Variants in LIMCH1 observed in about 807,000 individuals in gnomAD.
LIMCH1 encodes LIM and calponin homology domains-containing protein 1.
A neutral mutation model predicts 176.5 loss-of-function variants in LIMCH1; 113 were observed. The observed-to-expected ratio is 0.64, with a 90% CI of 0.55 to 0.75. The LOEUF is 0.75. Among genes scored for constraint, LIMCH1 ranks in the 30% least tolerant of loss-of-function variants. The pLI is 0.00. For missense variants in LIMCH1, 1,674 were observed against 1,814.9 expected (o/e 0.92, Z 1.41); for synonymous variants, 619 against 645.9 (o/e 0.96, Z 0.63).
chr4:41,621,739 C>G (rs1009143622), intron 7 of LIMCH1, among the ~76,000 whole-genome samples: 3 of 150,748 alleles, frequency 2.0e-5, no homozygotes, highest in Non-Finnish European at 4.4e-5. Context: ...GCTGATATAC[C>G]CATCTTCCAG....
rs555484140 is a variant in LIMCH1 at position 41,617,364 on chromosome 4, G to A, written c.206-1824G>A. ...TTCAGAACTGTCACTAACCAGCCCT[G>A]CAGCAGGGGTTCCTACAGTGTCTCT... On this transcript the variant is annotated intron_variant, in intron 5 of 31. Coordinates refer to ENST00000503057, the MANE Select transcript of LIMCH1 (RefSeq NM_001330672.2). 5.9e-5 allele frequency among the ~76,000 whole-genome samples: 9 copies of A among 152,278 alleles called. No individual in the cohort carries two copies. In the South Asian group the frequency reaches 1.7e-3, roughly 28 times the overall value.
intron 1 of LIMCH1, among the ~76,000 whole-genome samples, chr4:41,372,312 A>C (rs1303785773): frequency 6.6e-6 from 1 of 152,198 alleles, no homozygotes; most frequent in African/African-American, 2.4e-5. Context: ...CTCTGGTTAC[A>C]AAGTTGAGTA....
chr4:41,511,469 A>G (rs1424541324), intron 2 of LIMCH1, among the ~76,000 whole-genome samples: 1 of 152,168 alleles, frequency 6.6e-6, no homozygotes, highest in East Asian at 1.9e-4. Flanking sequence ...TGTCTCCCTC[A>G]TTTCTTGTTT....
rs113628907 is a variant in LIMCH1 at position 41,630,187 on chromosome 4, G to A, written c.1271+453G>A. On this transcript the variant is annotated intron_variant, in intron 9 of 31. Coordinates refer to ENST00000503057, the MANE Select transcript of LIMCH1 (RefSeq NM_001330672.2). ...CTCAGGCTGATCTCGAACACCTAGG[G>A]CTCCTGGGGCTCAAGTGATCCTTCC... Among the ~76,000 whole-genome samples the A allele has an allele frequency of 8.6e-4, 131 of 151,976 alleles. 2 individuals are homozygous for A. Among genetic ancestry groups the A allele is most frequent in the African/African-American group, 2.8e-3 (114 of 41,444 alleles).
chr4:41,638,415 G>A (rs912187140), intron 13 of LIMCH1, among the ~76,000 whole-genome samples: 2 of 152,116 alleles, frequency 1.3e-5, no homozygotes, highest in African/African-American at 4.8e-5. Context: ...TTGGAGTTCT[G>A]GTTTCCCTTC....
intron 1 of LIMCH1, among the ~76,000 whole-genome samples, chr4:41,597,594 G>A (rs7686676): frequency 0.08 from 12,164 of 152,184 alleles, 1,605 homozygotes; most frequent in African/African-American, 0.27. Flanking sequence ...GTGGGCTGAG[G>A]TCCTATCTGA....
intron 2 of LIMCH1, among the ~76,000 whole-genome samples, chr4:41,522,363 A>AT (rs1031358677): frequency 5.3e-5 from 8 of 152,126 alleles, no homozygotes; most frequent in South Asian, 2.1e-4. Flanking sequence ...AATTCTATAT[A>AT]TTTTTTATAA....
chr4:41,642,068 G>A (rs2093844802), intron 14 of LIMCH1, among the ~76,000 whole-genome samples: 1 of 152,072 alleles, frequency 6.6e-6, no homozygotes, highest in Admixed American at 6.6e-5. Flanking sequence ...TTCTTCTTGG[G>A]GTCCCAGAAG....
chr4:41,559,379 C>T (rs2081753621), intron 1 of LIMCH1, among the ~76,000 whole-genome samples: 1 of 152,106 alleles, frequency 6.6e-6, no homozygotes, highest in Non-Finnish European at 1.5e-5. Flanking sequence ...CAAGAATCTT[C>T]TGAACCAAGC....
At position 41,697,232 on chromosome 4, in the gene LIMCH1, T is replaced by C. The variant is rs1211218290; in HGVS notation, c.*47T>C. The C allele has an allele frequency of 3.8e-6, 6 of 1,589,846 alleles. No homozygotes were observed. The highest frequency in any genetic ancestry group is 5.2e-6 in the Non-Finnish European group (6 of 1,158,746). ...TCACTCACCATTTCTTTACTGAGAG[T>C]GTCCCCTGGCAACTGCTTAACAAAA... On this transcript the variant is annotated 3_prime_UTR_variant, in exon 32 of 32. Transcript: ENST00000503057.
chr4:41,447,567 C>T (rs988904260), intron 1 of LIMCH1, among the ~76,000 whole-genome samples: 4 of 152,114 alleles, frequency 2.6e-5, no homozygotes, highest in Admixed American at 6.5e-5. Context: ...ATCTGTTTTT[C>T]GTAATACAGA....
Position 41,669,445 on chromosome 4 carries a change from G to A in LIMCH1, c.3398-2109G>A, listed in dbSNP as rs980459139. Among the ~76,000 whole-genome samples, 7 of 151,642 alleles carry A rather than the reference G, an allele frequency of 4.6e-5. No individual in the cohort carries two copies. In the South Asian group the frequency reaches 6.2e-4, roughly 14 times the overall value. On this transcript the variant is annotated intron_variant, in intron 21 of 31. Transcript: ENST00000503057. ...TGTGGAGATCGGGTTTTTCACTGTG[G>A]TTCTCAAACCCTGTGTGCCAGGGTC... is the stretch of plus-strand genomic sequence containing the variant.
chr4:41,655,570 CTTG>C (rs1486750199), intron 18 of LIMCH1, among the ~76,000 whole-genome samples: 2 of 152,202 alleles, frequency 1.3e-5, no homozygotes, highest in African/African-American at 4.8e-5. Flanking sequence ...TCTAACTCAA[CTTG>C]TTGTTCCAAT....
intron 1 of LIMCH1, among the ~76,000 whole-genome samples, chr4:41,432,028 G>A (rs903020687): frequency 2.0e-5 from 3 of 152,178 alleles, no homozygotes; most frequent in African/African-American, 7.2e-5. Flanking sequence ...GCACATTGCA[G>A]GTGAAGAAAT....
intron 1 of LIMCH1, chr4:41,385,873 A>G (rs1445886640): frequency 6.6e-6 from 1 of 152,170 alleles, no homozygotes; most frequent in African/African-American, 2.4e-5. Context: ...TTTCTTTGTA[A>G]TGCAACTTTT....
rs61744806 is a variant in LIMCH1 at position 41,681,030 on chromosome 4, T to C, written c.3688T>C (p.Ser1230Pro). Reference sequence around the variant, plus strand: ...TTCCGCTGACCAGCTGTCTACCTCTTCCTCCATGACTGAAGGCAGTGGGAC... The same window carrying C: ...TTCCGCTGACCAGCTGTCTACCTCTCCCTCCATGACTGAAGGCAGTGGGAC... ...SSSADQLSTS[S>P]SMTEGSGTMN... Residue 1230 changes from serine to proline, a missense_variant, in exon 25 of 32, where the codon TCC (serine) becomes CCC (proline). Physicochemically the swap from Ser to Pro is moderately conservative, Grantham distance 74 (BLOSUM62 -1). This residue lies in a region of LIMCH1 where 1,015 missense variants were observed against 1,102.5 expected (regional missense o/e 0.92). Transcript: ENST00000503057. 2,036 of 1,611,720 alleles carry C rather than the reference T, an allele frequency of 1.3e-3. 27 individuals are homozygous for C. The African/African-American group carries it at 0.025, about 20-fold the overall frequency.
intron 2 of LIMCH1, among the ~76,000 whole-genome samples, chr4:41,516,575 C>T (rs1333296742): frequency 2.0e-5 from 3 of 152,040 alleles, no homozygotes; most frequent in East Asian, 1.9e-4. Flanking sequence ...CCATAATTTC[C>T]AGACAGCAGG....
upstream of LIMCH1, among the ~76,000 whole-genome samples, chr4:41,534,280 A>G (rs1274142152): frequency 6.6e-6 from 1 of 152,212 alleles, no homozygotes; most frequent in African/African-American, 2.4e-5. Flanking sequence ...TAAAAATTAT[A>G]GCTCATTTAA....
In LIMCH1 at chr4:41,680,036, AAAG is replaced by A. The variant is rs770152074; in HGVS notation, c.3555_3557del (p.Glu1186del). 4.2e-5 allele frequency: 67 copies of A among 1,610,658 alleles called. No individual in the cohort carries two copies. The highest frequency in any genetic ancestry group is 5.0e-5 in the Non-Finnish European group (59 of 1,178,596). ...ATACCAGAAGGAGCAGGACAAGCTGAAAGAAGAGTGGGAAAAGGCCCAAAAGGA... is the reference window on the plus strand; with the variant it reads ...ATACCAGAAGGAGCAGGACAAGCTGAAAGAGTGGGAAAAGGCCCAAAAGGA... On this transcript the variant is annotated inframe_deletion, in exon 24 of 32. Transcript: ENST00000503057.
Sources: allele counts gnomAD v4.1 joint callset (sites outside exome capture counted in the v4.1 genomes callset), GRCh38; gene constraint gnomAD v4.1.1; regional missense constraint gnomAD v4.1.1; transcripts MANE v1.5; gene names NCBI Gene and HGNC (gene_info 2026-07-23, HGNC 2026-07-21).